LIMD1: variants seen among roughly 807,000 people sequenced by gnomAD.
The protein encoded by LIMD1 is LIM domain containing 1, also known as LIM domain-containing protein 1.
LIMD1 carries 23 observed loss-of-function variants against 58.4 expected under a neutral mutation model. The ratio of observed to expected loss-of-function variants is 0.39; its 90% CI spans 0.28 to 0.56. The LOEUF is 0.56. LIMD1 is among the 20% of genes least tolerant of loss of function. LIMD1 has a pLI of 0.57. For synonymous variants in LIMD1, 334 were observed against 345.5 expected (o/e 0.97, Z 0.37); for missense variants, 838 against 855.5 (o/e 0.98, Z 0.25).
At chr3:45,607,653 G>T (rs115320217) in intron 1 of LIMD1, among the ~76,000 whole-genome samples, 3,926 of 149,236 alleles carry the variant, frequency 0.026, 66 homozygotes, top group Non-Finnish European at 0.044. Context: ...AGTGACTGAG[G>T]TACTTAGAGG....
At chr3:45,635,769 A>G (rs1701780800) in intron 1 of LIMD1, 1 of 370,206 alleles carries the variant, frequency 2.7e-6, no homozygotes, top group African/African-American at 2.2e-5. Context: ...AAGGGAGGAA[A>G]AAAGAAATTT....
At chr3:45,635,842 A>G (rs1228204982) in intron 1 of LIMD1, 2 of 972,784 alleles carry the variant, frequency 2.1e-6, no homozygotes, top group African/African-American at 1.8e-5. Flanking sequence ...TCTTACAAAC[A>G]GTGGGAACCT....
chr3:45,655,122 G>A (rs547448550), intron 2 of LIMD1, among the ~76,000 whole-genome samples: 2 of 152,138 alleles, frequency 1.3e-5, no homozygotes, highest in South Asian at 4.1e-4. Flanking sequence ...GTTTCACCCT[G>A]TTGGCCAAGC....
chr3:45,662,648 CCTA>C (rs1448288065), intron 2 of LIMD1, among the ~76,000 whole-genome samples: 1 of 152,136 alleles, frequency 6.6e-6, no homozygotes, highest in Admixed American at 6.6e-5. Context: ...TTGAAATTTT[CCTA>C]CTGTTACCAT....
intron 2 of LIMD1, among the ~76,000 whole-genome samples, chr3:45,637,737 T>C (rs1701803082): frequency 7.2e-6 from 1 of 138,070 alleles, no homozygotes; most frequent in South Asian, 2.2e-4. Flanking sequence ...CAGTATAAAG[T>C]TAACCAGTGC....
At chr3:45,606,018 G>C (rs1343585319) in intron 1 of LIMD1, among the ~76,000 whole-genome samples, 1 of 152,252 alleles carries the variant, frequency 6.6e-6, no homozygotes, top group Non-Finnish European at 1.5e-5. Context: ...GGCCGTGAAG[G>C]TGGAATAAGG....
chr3:45,654,781 C>G, intron 2 of LIMD1, among the ~76,000 whole-genome samples: 1 of 143,284 alleles, frequency 7.0e-6, no homozygotes, highest in East Asian at 2.0e-4. Context: ...CCACTGCACT[C>G]CAGCCTGGGT....
intron 2 of LIMD1, among the ~76,000 whole-genome samples, chr3:45,637,603 C>T (rs1201567810): frequency 6.6e-6 from 1 of 152,194 alleles, no homozygotes; most frequent in African/African-American, 2.4e-5. Flanking sequence ...TATTTTTTCA[C>T]AGCTTCTCAG....
In LIMD1 at chr3:45,683,996, G is replaced by A. The variant is rs1697777620; in HGVS notation, c.*6937G>A. The A allele has an allele frequency of 6.6e-6, 1 of 152,052 alleles. No individual in the cohort carries two copies. Among genetic ancestry groups the A allele is most frequent in the African/African-American group, 2.4e-5 (1 of 41,374 alleles). 9.4% of individuals were successfully genotyped at this position (152,052 alleles called of 1,614,324 possible). On this transcript the variant is annotated 3_prime_UTR_variant, in exon 8 of 8. Coordinates refer to ENST00000273317, the MANE Select transcript of LIMD1 (RefSeq NM_014240.3). The stretch of plus-strand genomic sequence containing the variant: ...TTTCTTCAGGAATCCCTGAAAGTGG[G>A]GGTTTGCAATTTTCCCTGGATTGAA...
chr3:45,613,167 G>A (rs1275741712), intron 1 of LIMD1, among the ~76,000 whole-genome samples: 1 of 152,184 alleles, frequency 6.6e-6, no homozygotes, highest in Non-Finnish European at 1.5e-5. Context: ...TATGAGAGAA[G>A]CTTTCTTCAG....
chr3:45,677,266 G>A lies in LIMD1; in HGVS notation c.*207G>A, dbSNP rs745760995. The A allele has an allele frequency of 1.9e-6, 1 of 532,754 alleles. No individual in the cohort carries two copies. Among genetic ancestry groups the A allele is most frequent in the Admixed American group, 3.3e-5 (1 of 30,710 alleles). 33.0% of individuals were successfully genotyped at this position (532,754 alleles called of 1,614,324 possible). On this transcript the variant is annotated 3_prime_UTR_variant, in exon 8 of 8. Coordinates refer to ENST00000273317, the MANE Select transcript of LIMD1 (RefSeq NM_014240.3). ...GTGTATTTTCCAAGTGCTTTTCTCT[G>A]TTGCCACATTTTCCTCAGGTTACTC...
intron 2 of LIMD1, among the ~76,000 whole-genome samples, chr3:45,637,663 C>T (rs1254014410): frequency 6.6e-6 from 1 of 152,152 alleles, no homozygotes; most frequent in Non-Finnish European, 1.5e-5. Flanking sequence ...TGGGGATCCT[C>T]ATTTTGAATC....
chr3:45,630,040 T>C lies in LIMD1; in HGVS notation c.1409-6110T>C, dbSNP rs1170703471. 2.6e-5 allele frequency among the ~76,000 whole-genome samples: 4 copies of C among 152,206 alleles called. 1 individual carries two copies. The highest frequency in any genetic ancestry group is 9.7e-5 in the African/African-American group (4 of 41,442). On this transcript the variant is annotated intron_variant, in intron 1 of 7. Transcript: ENST00000273317. ...TGGGCTAAAGGGGCAGTAAGTCTAATTGCAGAGGAAAAATGCCCATCCCTT... is the reference window on the plus strand; with the variant it reads ...TGGGCTAAAGGGGCAGTAAGTCTAACTGCAGAGGAAAAATGCCCATCCCTT...
At chr3:45,648,780 G>T (rs1266304804) in intron 2 of LIMD1, among the ~76,000 whole-genome samples, 2 of 69,016 alleles carry the variant, frequency 2.9e-5, no homozygotes, top group South Asian at 6.8e-4. Context: ...TTGGTGTGAA[G>T]TTGGATCTCA....
At chr3:45,613,856 AGAATTGCTGGATCATG>A (rs1456893429) in intron 1 of LIMD1, among the ~76,000 whole-genome samples, 2 of 152,158 alleles carry the variant, frequency 1.3e-5, no homozygotes, top group African/African-American at 4.8e-5. Context: ...ACCTAGGAGT[AGAATTGCTGGATCATG>A]GAGTAGGTGT....
Position 45,672,834 on chromosome 3 carries a change from G to A in LIMD1, c.1772+14G>A. 6.2e-7 allele frequency: 1 copy of A among 1,612,984 alleles called. No individual in the cohort carries two copies. Among genetic ancestry groups the A allele is most frequent in the Non-Finnish European group, 8.5e-7 (1 of 1,179,334 alleles). ...AGATTACCACAAGTAAGAAGGGATG[G>A]GAGCAGACAGGACCCATTCGTGTAG... On this transcript the variant is annotated intron_variant, in intron 5 of 7. Transcript: ENST00000273317.
chr3:45,608,826 C>A (rs6771135), intron 1 of LIMD1, among the ~76,000 whole-genome samples: 43,586 of 126,076 alleles, frequency 0.35, 7,436 homozygotes, highest in South Asian at 0.57. Context: ...GGCAACAGAG[C>A]GAGACTCGGT....
At chr3:45,600,917 A>G (rs1701406347) in intron 1 of LIMD1, among the ~76,000 whole-genome samples, 1 of 152,158 alleles carries the variant, frequency 6.6e-6, no homozygotes, top group Admixed American at 6.5e-5. Context: ...CACAAAAATT[A>G]GCCAGGCATG....
intron 2 of LIMD1, among the ~76,000 whole-genome samples, chr3:45,645,592 G>A (rs1701891826): frequency 2.0e-5 from 3 of 152,138 alleles, no homozygotes; most frequent in African/African-American, 7.2e-5. Flanking sequence ...ACTCCAGTAC[G>A]CCAGGAGCAT....
Sources: allele counts gnomAD v4.1 joint callset (sites outside exome capture counted in the v4.1 genomes callset), GRCh38; gene constraint gnomAD v4.1.1; transcripts MANE v1.5; gene names NCBI Gene and HGNC (gene_info 2026-07-23, HGNC 2026-07-21).